PLGRKT: variants seen among roughly 807,000 people sequenced by gnomAD.
The protein encoded by PLGRKT is plasminogen receptor with a C-terminal lysine.
A neutral mutation model predicts 18.5 loss-of-function variants in PLGRKT; 22 were observed. The observed-to-expected ratio is 1.19, with a 90% confidence interval of 0.85 to 1.70. The LOEUF is 1.70. Among genes scored for constraint, PLGRKT ranks in the 40% most tolerant of loss-of-function variants. The pLI, the probability that PLGRKT is intolerant of heterozygous loss-of-function variation, is 0.00. For missense variants in PLGRKT, 235 were observed against 174.4 expected, an observed-to-expected ratio of 1.35 and a Z score of -1.96; for synonymous variants, 72 against 52.8, an observed-to-expected ratio of 1.36 and a Z score of -1.58.
chr9:5,432,378 G>C (rs1285379537), intron 2 of PLGRKT, among the ~76,000 whole-genome samples: 1 of 152,188 alleles, frequency 6.6e-6, no homozygotes. Flanking sequence ...TGTACAATTA[G>C]GCAACAGAAC....
intron 3 of PLGRKT, among the ~76,000 whole-genome samples, chr9:5,368,073 A>G (rs1817433631): frequency 6.6e-6 from 1 of 152,150 alleles, no homozygotes; most frequent in East Asian, 1.9e-4. Flanking sequence ...TATTAAAAAG[A>G]TAAGAAATAA....
chr9:5,376,924 C>T (rs764593503), intron 3 of PLGRKT, among the ~76,000 whole-genome samples: 33 of 152,060 alleles, frequency 2.2e-4, no homozygotes, highest in Non-Finnish European at 4.7e-4. Flanking sequence ...TCAATATATA[C>T]CTTGTTGTTC....
At chr9:5,437,747 C>G (rs1306105143) in intron 1 of PLGRKT, 42 bp downstream of exon 1, 1 of 152,296 alleles carries the variant, frequency 6.6e-6, no homozygotes, top group African/African-American at 2.4e-5. Context: ...CATGGCCGGG[C>G]TGACCCTTCT....
At chr9:5,422,847 A>T (rs969458497) in intron 3 of PLGRKT, among the ~76,000 whole-genome samples, 1 of 152,096 alleles carries the variant, frequency 6.6e-6, no homozygotes, top group Non-Finnish European at 1.5e-5. Flanking sequence ...GTTTTTTTTT[A>T]AAGTTTTCCT....
chr9:5,401,046 T>C (rs1165506957), intron 3 of PLGRKT, among the ~76,000 whole-genome samples: 2 of 151,894 alleles, frequency 1.3e-5, no homozygotes, highest in Admixed American at 6.5e-5. Context: ...ATATTTTTAC[T>C]TTAAAATTTT....
At chr9:5,400,613 A>C (rs1260806825) in intron 3 of PLGRKT, among the ~76,000 whole-genome samples, 1 of 152,086 alleles carries the variant, frequency 6.6e-6, no homozygotes, top group East Asian at 1.9e-4. Flanking sequence ...TCTTCTTCTA[A>C]GAAAAGCACT....
At chr9:5,372,724 G>T (rs9299013) in intron 3 of PLGRKT, among the ~76,000 whole-genome samples, 99,165 of 152,004 alleles carry the variant, frequency 0.65, 32,466 homozygotes, top group South Asian at 0.75. Context: ...TCCTTCAGGG[G>T]TGCCTACTTG....
At chr9:5,434,854 G>A (rs892643156) in intron 2 of PLGRKT, among the ~76,000 whole-genome samples, 4 of 152,094 alleles carry the variant, frequency 2.6e-5, no homozygotes, top group East Asian at 1.9e-4. Flanking sequence ...CCATGATGAC[G>A]ATGGCGGTTT....
At chr9:5,394,083 C>T (rs1159421927) in intron 3 of PLGRKT, among the ~76,000 whole-genome samples, 1 of 151,798 alleles carries the variant, frequency 6.6e-6, no homozygotes, top group Non-Finnish European at 1.5e-5. Flanking sequence ...AAGTTTCATA[C>T]ACATCCCTTT....
chr9:5,418,938 A>C lies in PLGRKT; in HGVS notation c.81+12959T>G. 3.9e-6 allele frequency: 3 copies of C among 778,528 alleles called. No individual in the cohort carries two copies. Among genetic ancestry groups the C allele is most frequent in the Non-Finnish European group, 6.4e-6 (3 of 470,254 alleles). The allele number at this position is 778,528 out of a possible 1,614,324, so 48.2% of individuals were successfully genotyped here. ...CTAGGGGCTGCAGTAATTAAAACAG[A>C]TCTGACATTCTAGCAGAGTCCTGGG... is the stretch of plus-strand genomic sequence containing the variant. On this transcript the variant is annotated intron_variant, in intron 3 of 5. Transcript: ENST00000223864. This position sits in a 1 kb window ranked among gnomAD's most constrained non-coding sequence, Gnocchi z 4.2.
intron 3 of PLGRKT, among the ~76,000 whole-genome samples, chr9:5,365,752 A>C (rs1817371816): frequency 6.6e-6 from 1 of 152,194 alleles, no homozygotes. Flanking sequence ...TGTTAACAGC[A>C]GGGCACAAAG....
At chr9:5,381,007 T>C (rs894845563) in intron 3 of PLGRKT, among the ~76,000 whole-genome samples, 2 of 152,338 alleles carry the variant, frequency 1.3e-5, no homozygotes, top group South Asian at 2.1e-4. Flanking sequence ...CTGTCTTTCC[T>C]GCCACCATGA....
At chr9:5,423,509 C>T (rs1192229915) in intron 3 of PLGRKT, among the ~76,000 whole-genome samples, 2 of 151,990 alleles carry the variant, frequency 1.3e-5, no homozygotes, top group Non-Finnish European at 2.9e-5. Context: ...AGACTTGTTT[C>T]TTCCCTCATA....
At chr9:5,436,875 G>C (rs1471753918) in intron 1 of PLGRKT, among the ~76,000 whole-genome samples, 181 bp from the exon 2 acceptor site, 1 of 152,102 alleles carries the variant, frequency 6.6e-6, no homozygotes, top group Non-Finnish European at 1.5e-5. Context: ...ATATGTATCA[G>C]AAAATAAGCA....
rs899870056 is a variant in PLGRKT at position 5,418,079 on chromosome 9, G to A, written c.81+13818C>T. Among the ~76,000 whole-genome samples, 1 of 152,156 alleles carries A rather than the reference G, an allele frequency of 6.6e-6. No homozygotes were observed. The highest frequency in any genetic ancestry group is 2.4e-5 in the African/African-American group (1 of 41,446). The stretch of plus-strand genomic sequence containing the variant: ...GTAGAATATGTCTATCTCGTAACGT[G>A]ATTTTGAAAAATCAGAAATTACAGT... On this transcript the variant is annotated intron_variant, in intron 3 of 5. Coordinates refer to ENST00000223864, the MANE Select transcript of PLGRKT (RefSeq NM_018465.4). This position sits in a 1 kb window ranked among gnomAD's most constrained non-coding sequence, Gnocchi z 4.2.
intron 2 of PLGRKT, 45 bp from the exon 3 acceptor site, chr9:5,432,028 T>C (rs370510183): frequency 6.1e-6 from 5 of 825,112 alleles, no homozygotes; most frequent in African/African-American, 1.7e-5. Context: ...ATACACTACA[T>C]GCATTCTTGT....
intron 2 of PLGRKT, among the ~76,000 whole-genome samples, chr9:5,436,129 C>G (rs1563795390): frequency 6.6e-6 from 1 of 152,228 alleles, no homozygotes; most frequent in Admixed American, 6.5e-5. Context: ...TCACTGACAG[C>G]AGGGTGATTT....
At chr9:5,392,712 T>C (rs966320135) in intron 3 of PLGRKT, 1 of 151,944 alleles carries the variant, frequency 6.6e-6, no homozygotes, top group Non-Finnish European at 1.5e-5. Flanking sequence ...AGAGAATACA[T>C]AAAATGTTCA....
chr9:5,388,238 C>G (rs1817882303), intron 3 of PLGRKT, among the ~76,000 whole-genome samples: 1 of 151,718 alleles, frequency 6.6e-6, no homozygotes, highest in Non-Finnish European at 1.5e-5. Context: ...ACAGCACAGT[C>G]AGAGAGACAG....
Sources: gnomAD v4.1 joint callset for allele counts (sites outside exome capture counted in the v4.1 genomes callset) on GRCh38, gnomAD v4.1.1 for gene constraint, Gnocchi (gnomAD v3.1) non-coding constraint, MANE v1.5 for transcripts, NCBI Gene and HGNC (gene_info 2026-07-23, HGNC 2026-07-21) for gene names.